The following NDST4 variants were observed in gnomAD, a reference collection of about 807,000 sequenced individuals.
The protein encoded by NDST4 is N-heparan sulfate sulfotransferase 4.
NDST4 carries 63 observed loss-of-function variants against 100.8 expected under a neutral mutation model. The ratio of observed to expected loss-of-function variants is 0.62; its 90% CI spans 0.51 to 0.77. The LOEUF is 0.77. Ranked by LOEUF, NDST4 falls within the 30% of genes least tolerant of loss-of-function variation. The probability of loss-of-function intolerance (pLI) is 0.00; values close to 1 mark genes in which losing one functional copy is unlikely to be tolerated. For synonymous variants in NDST4, 377 were observed against 361.8 expected (o/e 1.04, Z -0.48); for missense variants, 943 against 1,018.4 (o/e 0.93, Z 1.01).
intron 4 of NDST4, among the ~76,000 whole-genome samples, chr4:114,962,177 A>G (rs13134223): frequency 0.45 from 67,851 of 151,942 alleles, 16,728 homozygotes; most frequent in Non-Finnish European, 0.58. Context: ...ATAGGTATCT[A>G]TGAAAAATCT....
chr4:114,963,359 A>T (rs28677056), intron 4 of NDST4, among the ~76,000 whole-genome samples: 17,426 of 152,210 alleles, frequency 0.11, 1,652 homozygotes, highest in East Asian at 0.42. Context: ...GATTCTACTT[A>T]TATCCCACGT....
chr4:114,932,551 T>G (rs1221740767), intron 6 of NDST4, among the ~76,000 whole-genome samples: 1 of 151,938 alleles, frequency 6.6e-6, no homozygotes, highest in Non-Finnish European at 1.5e-5. Flanking sequence ...AGAAAAAAGT[T>G]AAATTGTTTC....
intron 6 of NDST4, among the ~76,000 whole-genome samples, chr4:114,927,801 A>G (rs1725415800): frequency 6.6e-6 from 1 of 152,168 alleles, no homozygotes; most frequent in South Asian, 2.1e-4. Flanking sequence ...TAGATGATTA[A>G]TGGAAAAGGA....
At chr4:115,058,034 A>T (rs1728740183) in intron 2 of NDST4, among the ~76,000 whole-genome samples, 1 of 152,188 alleles carries the variant, frequency 6.6e-6, no homozygotes, top group South Asian at 2.1e-4. Context: ...TCAACATAGA[A>T]AATGCAAAAT....
rs75635035 is a variant in NDST4, at chr4:115,065,126, T to C, written c.978+10933A>G. 3.5e-3 allele frequency among the ~76,000 whole-genome samples: 537 copies of C among 152,252 alleles called. 3 individuals carry two copies. The highest frequency in any genetic ancestry group is 0.012 in the African/African-American group (511 of 41,558). ...TGAGTACATATTCAAATTCTGTCAA[T>C]TCTACTTCTGCGAGGACTTTCCTGA... On this transcript the variant is annotated intron_variant, in intron 2 of 13. Coordinates refer to ENST00000264363, the MANE Select transcript of NDST4 (RefSeq NM_022569.3).
At chr4:115,005,125 T>C (rs1041003099) in intron 2 of NDST4, among the ~76,000 whole-genome samples, 14 of 152,324 alleles carry the variant, frequency 9.2e-5, no homozygotes, top group African/African-American at 3.4e-4. Context: ...CAAAGAAGAA[T>C]AATTCATCAC....
At chr4:115,034,998 C>T (rs1013255677) in intron 2 of NDST4, among the ~76,000 whole-genome samples, 5 of 152,088 alleles carry the variant, frequency 3.3e-5, no homozygotes, top group African/African-American at 7.2e-5. Flanking sequence ...TCTCCATCTT[C>T]TCCCCCAATC....
At chr4:114,873,836 C>T (rs1724201695) in intron 6 of NDST4, among the ~76,000 whole-genome samples, 1 of 152,138 alleles carries the variant, frequency 6.6e-6, no homozygotes, top group Admixed American at 6.5e-5. Context: ...AAAAACCAGG[C>T]TGCAGGCTAA....
chr4:115,100,783 G>A (rs1373234336), intron 1 of NDST4, among the ~76,000 whole-genome samples: 7 of 145,226 alleles, frequency 4.8e-5, no homozygotes, highest in South Asian at 2.2e-4. Flanking sequence ...ACAATACCTC[G>A]TTTCTGACAA....
chr4:115,037,901 G>T (rs935152609), intron 2 of NDST4, among the ~76,000 whole-genome samples: 1 of 152,120 alleles, frequency 6.6e-6, no homozygotes, highest in African/African-American at 2.4e-5. Flanking sequence ...AAGAGAAAAG[G>T]AAAGTGATAT....
intron 4 of NDST4, among the ~76,000 whole-genome samples, chr4:114,961,446 A>T (rs1726261401): frequency 6.6e-6 from 1 of 152,034 alleles, no homozygotes; most frequent in Non-Finnish European, 1.5e-5. Context: ...AATTGGAAAA[A>T]CTTTAGATAG....
chr4:115,014,724 A>G (rs1330993869), intron 2 of NDST4, among the ~76,000 whole-genome samples: 1 of 152,002 alleles, frequency 6.6e-6, no homozygotes, highest in Admixed American at 6.6e-5. Context: ...CCTTTAAGTG[A>G]TCACAGCAAA....
At chr4:114,833,972 A>G (rs1228655225) in intron 11 of NDST4, among the ~76,000 whole-genome samples, 1 of 152,220 alleles carries the variant, frequency 6.6e-6, no homozygotes, top group Non-Finnish European at 1.5e-5. Context: ...AGAAGTAAAC[A>G]TAGACACTTT....
intron 2 of NDST4, among the ~76,000 whole-genome samples, chr4:115,006,142 T>C (rs957733404): frequency 6.7e-6 from 1 of 149,552 alleles, no homozygotes; most frequent in African/African-American, 2.5e-5. Context: ...TAAATAGGTA[T>C]ATGTAAAGCC....
intron 2 of NDST4, among the ~76,000 whole-genome samples, chr4:115,013,577 T>C (rs1205008100): frequency 6.6e-6 from 1 of 151,584 alleles, no homozygotes; most frequent in East Asian, 2.0e-4. Flanking sequence ...AGACACCAAA[T>C]GTTTCTGTGG....
At chr4:114,929,065 C>T (rs185741572) in intron 6 of NDST4, among the ~76,000 whole-genome samples, 2 of 107,200 alleles carry the variant, frequency 1.9e-5, no homozygotes, top group East Asian at 2.3e-4. Flanking sequence ...TCCGTCCGTC[C>T]GTCCGTCCGT....
At position 115,077,049 on chromosome 4, in the gene NDST4, T is replaced by C. The variant is rs555177110; in HGVS notation, c.-13A>G. 6 of 1,575,178 alleles carry C rather than the reference T, an allele frequency of 3.8e-6. No homozygotes were observed. In the African/African-American group the frequency reaches 6.8e-5, roughly 18 times the overall value. On this transcript the variant is annotated 5_prime_UTR_variant, in exon 2 of 14. Coordinates refer to ENST00000264363, the MANE Select transcript of NDST4 (RefSeq NM_022569.3). ...CAATAAGATTCATTTTTTAGAATAATGTTTTGGAAGCTTTTTCCCAATTTC... is the reference window on the plus strand; with the variant it reads ...CAATAAGATTCATTTTTTAGAATAACGTTTTGGAAGCTTTTTCCCAATTTC...
At chr4:114,946,588 G>A (rs1043654708) in intron 4 of NDST4, among the ~76,000 whole-genome samples, 1 of 152,174 alleles carries the variant, frequency 6.6e-6, no homozygotes, top group African/African-American at 2.4e-5. Context: ...CACAGATGAA[G>A]CCTGGTCATT....
chr4:114,935,784 C>T (rs1490362885), intron 5 of NDST4, among the ~76,000 whole-genome samples: 4 of 152,104 alleles, frequency 2.6e-5, no homozygotes, highest in Non-Finnish European at 4.4e-5. Flanking sequence ...TCCACATTAG[C>T]TTTGTTTTCA....
Sources: gnomAD v4.1 joint callset for allele counts (sites outside exome capture counted in the v4.1 genomes callset) on GRCh38, gnomAD v4.1.1 for gene constraint, MANE v1.5 for transcripts, NCBI Gene and HGNC (gene_info 2026-07-23, HGNC 2026-07-21) for gene names.